Variants in AKNA observed in about 807,000 individuals in gnomAD.
AKNA encodes the protein AT-hook transcription factor, also known as microtubule organization protein AKNA.
Under a neutral mutation model 138.8 loss-of-function variants are expected in AKNA, and 67 were observed. The ratio of observed to expected loss-of-function variants is 0.48; its 90% CI spans 0.40 to 0.59. AKNA has a LOEUF of 0.59. AKNA is among the 20% of genes least tolerant of loss of function. The pLI is 0.00. For missense variants in AKNA, 1,813 were observed against 1,880.4 expected, an observed-to-expected ratio of 0.96 and a Z score of 0.66; for synonymous variants, 737 against 754.4, an observed-to-expected ratio of 0.98 and a Z score of 0.38.
chr9:114,367,619 C>G lies in AKNA; in HGVS notation c.1652G>C (p.Arg551Pro). ...MPTLGWLPEN[R>P]DISEDQSSAE... ...TGAGGACTGGTCCTCAGAGATGTCC[C>G]GGTTCTCCGGAAGCCACCCCAGGGT... The change falls in exon 6 of 22, where the codon CGG becomes CCG. Residue 551 changes from arginine to proline, a missense_variant. Arg to Pro is a moderately radical substitution (Grantham distance 103). Transcript: ENST00000374088. The G allele has an allele frequency of 6.2e-7, 1 of 1,607,234 alleles. No individual in the cohort carries two copies. Among genetic ancestry groups the G allele is most frequent in the Non-Finnish European group, 8.5e-7 (1 of 1,174,632 alleles).
chr9:114,379,369 G>A (rs1334275743), intron 2 of AKNA, among the ~76,000 whole-genome samples: 1 of 152,288 alleles, frequency 6.6e-6, no homozygotes. Flanking sequence ...TAAAGGCACA[G>A]GACAAGGTAG....
intron 16 of AKNA, among the ~76,000 whole-genome samples, chr9:114,347,376 C>G (rs931027819): frequency 6.6e-6 from 1 of 152,068 alleles, no homozygotes; most frequent in African/African-American, 2.4e-5. Flanking sequence ...CACACCACCA[C>G]GCCCAGCTAA....
At chr9:114,330,898 G>C, downstream of AKNA, 1 of 1,578,708 alleles carries the variant, frequency 6.3e-7, no homozygotes, top group Non-Finnish European at 8.7e-7. Context: ...GGTTCACCGT[G>C]GGAACAGGGC....
chr9:114,359,483 A>T lies in AKNA; in HGVS notation c.2492+111T>A. 2 of 1,580,986 alleles carry T rather than the reference A, an allele frequency of 1.3e-6. 1 individual carries two copies. Among genetic ancestry groups the T allele is most frequent in the South Asian group, 2.3e-5 (2 of 85,928 alleles). On this transcript the variant is annotated intron_variant, in intron 11 of 21. Transcript: ENST00000374088. ...CATTCCACACTTGAAGAGGCAGGAC[A>T]GGTAAGCCATGTCTAAACTGTGAAG... is the stretch of plus-strand genomic sequence containing the variant.
chr9:114,378,236 C>T (rs1833387111), intron 2 of AKNA, among the ~76,000 whole-genome samples: 1 of 152,196 alleles, frequency 6.6e-6, no homozygotes, highest in South Asian at 2.1e-4. Context: ...CCGAGGGATT[C>T]TCTCCCCTCC....
intron 17 of AKNA, 66 bp from the exon 18 acceptor site, chr9:114,346,075 G>A: frequency 8.5e-6 from 13 of 1,529,470 alleles, no homozygotes; most frequent in Non-Finnish European, 1.1e-5. Context: ...CAAGGAGTGG[G>A]TATGCCATGA....
chr9:114,346,078 T>A (rs1830665220), intron 17 of AKNA, 69 bp from the exon 18 acceptor site: 5 of 1,515,828 alleles, frequency 3.3e-6, no homozygotes. Context: ...GGAGTGGGTA[T>A]GCCATGAGTT....
intron 2 of AKNA, among the ~76,000 whole-genome samples, chr9:114,378,823 T>G (rs1833429050): frequency 6.6e-6 from 1 of 152,166 alleles, no homozygotes; most frequent in Admixed American, 6.5e-5. Flanking sequence ...GAGCACCCAC[T>G]CTGCTCTAGA....
At chr9:114,372,234 T>C (rs969894819) in intron 4 of AKNA, among the ~76,000 whole-genome samples, 3 of 151,116 alleles carry the variant, frequency 2.0e-5, no homozygotes, top group African/African-American at 7.3e-5. Flanking sequence ...AAAGCGGGAG[T>C]GAGTGAGCTG....
chr9:114,360,241 A>C (rs2131917945), intron 9 of AKNA, 179 bp from the exon 10 acceptor site: 1 of 748,114 alleles, frequency 1.3e-6, no homozygotes, highest in South Asian at 1.7e-5. Flanking sequence ...GTGGTCTTCG[A>C]TACTGGCTGC....
chr9:114,386,467 T>C (rs1357896368), intron 1 of AKNA, among the ~76,000 whole-genome samples: 1 of 151,730 alleles, frequency 6.6e-6, no homozygotes, highest in African/African-American at 2.4e-5. Flanking sequence ...GCATGCCAGA[T>C]AAAGGCAGAG....
upstream of AKNA, among the ~76,000 whole-genome samples, chr9:114,392,460 C>T (rs1238301035): frequency 6.6e-6 from 1 of 152,250 alleles, no homozygotes; most frequent in Non-Finnish European, 1.5e-5. Flanking sequence ...CCCTTGGAAG[C>T]TGTGTGGCCT....
In AKNA at chr9:114,376,601, C is replaced by G. The variant is rs766704609; in HGVS notation, c.1206G>C (p.Glu402Asp). The G allele has an allele frequency of 6.2e-7, 1 of 1,614,168 alleles. No individual in the cohort carries two copies. The highest frequency in any genetic ancestry group is 8.5e-7 in the Non-Finnish European group (1 of 1,180,026). ...ARPLIFKSPA[E>D]IVQEVLLSSG... ...TGCTCAACAGCACCTCCTGCACAAT[C>G]TCAGCTGGAGACTTGAAGATGAGGG... Residue 402 changes from glutamate (E) to aspartate (D), a missense_variant, in exon 3 of 22, where the codon GAG becomes GAC. Physicochemically the swap from Glu to Asp is conservative, Grantham distance 45. Coordinates refer to ENST00000374088, the MANE Select transcript of AKNA (RefSeq NM_001317950.2).
chr9:114,330,922 G>A (rs1829841319), downstream of AKNA: 8 of 1,432,420 alleles, frequency 5.6e-6, no homozygotes, highest in Admixed American at 3.4e-5. Flanking sequence ...CCAGCATAAG[G>A]TGGGGGCTGG....
intron 15 of AKNA, chr9:114,349,125 C>G: frequency 5.6e-6 from 2 of 355,736 alleles, no homozygotes; most frequent in South Asian, 4.1e-5. Flanking sequence ...GTGACATCTC[C>G]CCACCCCCAG....
chr9:114,352,846 G>A lies in AKNA; in HGVS notation c.3059-1825C>T, dbSNP rs536237686. 2.6e-5 allele frequency among the ~76,000 whole-genome samples: 4 copies of A among 152,162 alleles called. No homozygotes were observed. The South Asian group carries it at 6.2e-4, about 24-fold the overall frequency. Reference sequence around the variant, plus strand: ...TGAGGCAGGAGAATCTCTTGAACCCGGGAGGTGGATGTTGCAGTGAGCAGA... The same window carrying A: ...TGAGGCAGGAGAATCTCTTGAACCCAGGAGGTGGATGTTGCAGTGAGCAGA... On this transcript the variant is annotated intron_variant, in intron 14 of 21. Coordinates refer to ENST00000374088, the MANE Select transcript of AKNA (RefSeq NM_001317950.2).
intron 21 of AKNA, among the ~76,000 whole-genome samples, chr9:114,340,914 A>G (rs932446228): frequency 2.0e-5 from 3 of 152,216 alleles, no homozygotes; most frequent in Non-Finnish European, 4.4e-5. Flanking sequence ...CGCATACCAC[A>G]TGGGATCGTG....
At chr9:114,397,564 A>G (rs1329374581), upstream of AKNA, among the ~76,000 whole-genome samples, 2 of 151,904 alleles carry the variant, frequency 1.3e-5, no homozygotes, top group African/African-American at 2.4e-5. Context: ...GTAATGATGG[A>G]CTCCAATCCG....
chr9:114,386,532 T>G (rs1834046357), intron 1 of AKNA, among the ~76,000 whole-genome samples: 1 of 151,784 alleles, frequency 6.6e-6, no homozygotes, highest in Non-Finnish European at 1.5e-5. Context: ...AGGCAGTGAG[T>G]GGGGTTTGGT....
Sources: gnomAD v4.1 joint callset for allele counts (sites outside exome capture counted in the v4.1 genomes callset) on GRCh38, gnomAD v4.1.1 for gene constraint, MANE v1.5 for transcripts, NCBI Gene and HGNC (gene_info 2026-07-23, HGNC 2026-07-21) for gene names.